The following AP1AR variants were observed in gnomAD, a reference collection of about 807,000 sequenced individuals.
AP1AR encodes the protein AP-1 complex-associated regulatory protein.
Under a neutral mutation model 46.3 loss-of-function variants are expected in AP1AR, and 29 were observed. The ratio of observed to expected loss-of-function variants is 0.63; its 90% CI spans 0.47 to 0.85. The LOEUF (loss-of-function observed/expected upper bound fraction) is 0.85, where lower values mean the gene tolerates loss of function less well. Ranked by LOEUF, AP1AR falls within the 40% of genes least tolerant of loss-of-function variation. The pLI is 0.00. For missense variants in AP1AR, 357 were observed against 356.3 expected, an observed-to-expected ratio of 1.00 and a Z score of -0.02; for synonymous variants, 122 against 122.9, an observed-to-expected ratio of 0.99 and a Z score of 0.05.
rs1241671047 is a variant in AP1AR, at chr4:112,272,414, CAG to C, written c.*4008_*4009del. Among the ~76,000 whole-genome samples, 1 of 152,108 alleles carries C rather than the reference CAG, an allele frequency of 6.6e-6. No individual in the cohort carries two copies. Among genetic ancestry groups the C allele is most frequent in the African/African-American group, 2.4e-5 (1 of 41,434 alleles). ...ACATGCGCAGTAAGGGGCAAAATGA[CAG>C]AGTTTGACAAATATATGACCTTCCC... On this transcript the variant is annotated 3_prime_UTR_variant, in exon 10 of 10. Transcript: ENST00000274000.
chr4:112,261,871 G>C (rs563890207), intron 5 of AP1AR, among the ~76,000 whole-genome samples: 2 of 151,892 alleles, frequency 1.3e-5, no homozygotes, highest in Non-Finnish European at 2.9e-5. Context: ...TAAGGAGGCT[G>C]AGGTGGGAAG....
At chr4:112,251,409 A>G (rs1457381881) in intron 1 of AP1AR, among the ~76,000 whole-genome samples, 1 of 152,252 alleles carries the variant, frequency 6.6e-6, no homozygotes, top group Non-Finnish European at 1.5e-5. Context: ...TCTGCCATCT[A>G]ATACAAATGT....
intron 2 of AP1AR, 45 bp downstream of exon 2, chr4:112,253,301 G>A: frequency 7.0e-7 from 1 of 1,435,328 alleles, no homozygotes; most frequent in Admixed American, 1.8e-5. Context: ...CCTTCAGAAA[G>A]GCGGAAGGGG....
At chr4:112,237,586 C>G (rs1725308999) in intron 1 of AP1AR, among the ~76,000 whole-genome samples, 1 of 152,034 alleles carries the variant, frequency 6.6e-6, no homozygotes, top group Non-Finnish European at 1.5e-5. Flanking sequence ...TCCCAAGTAG[C>G]TGGGACTACA....
chr4:112,258,913 A>G (rs1031980793), intron 4 of AP1AR, among the ~76,000 whole-genome samples: 12 of 152,228 alleles, frequency 7.9e-5, no homozygotes, highest in Non-Finnish European at 1.2e-4. Flanking sequence ...GATAATACCT[A>G]TAAATGGCTA....
intron 1 of AP1AR, among the ~76,000 whole-genome samples, chr4:112,237,995 T>A (rs938670949): frequency 1.3e-5 from 2 of 152,274 alleles, no homozygotes; most frequent in Admixed American, 6.5e-5. Context: ...CTGTCACAAC[T>A]ACTGAACTTG....
intron 1 of AP1AR, among the ~76,000 whole-genome samples, chr4:112,252,573 T>C (rs1258522133): frequency 6.6e-6 from 1 of 152,238 alleles, no homozygotes; most frequent in Non-Finnish European, 1.5e-5. Context: ...TTTGACTACA[T>C]ATAAGTTTAA....
At chr4:112,248,877 G>A (rs893823467) in intron 1 of AP1AR, among the ~76,000 whole-genome samples, 2 of 152,144 alleles carry the variant, frequency 1.3e-5, no homozygotes, top group Non-Finnish European at 2.9e-5. Context: ...GTTTGCTTTT[G>A]CTTTTCCTCT....
chr4:112,240,827 G>A (rs1725462340), intron 1 of AP1AR, among the ~76,000 whole-genome samples: 1 of 152,152 alleles, frequency 6.6e-6, no homozygotes, highest in South Asian at 2.1e-4. Context: ...TATTTCAAAT[G>A]TATAGCTATG....
intron 1 of AP1AR, among the ~76,000 whole-genome samples, chr4:112,237,804 T>TA (rs1725318300): frequency 6.6e-6 from 1 of 152,168 alleles, no homozygotes; most frequent in African/African-American, 2.4e-5. Flanking sequence ...AGCTTTCACT[T>TA]ACCTTTACCT....
chr4:112,232,052 G>GGGA lies in AP1AR; in HGVS notation c.-26_-24dup, dbSNP rs774813966. The GGGA allele has an allele frequency of 5.9e-6, 8 of 1,346,496 alleles. No individual in the cohort carries two copies. Among genetic ancestry groups the GGGA allele is most frequent in the Admixed American group, 3.5e-5 (1 of 28,906 alleles). 83.4% of individuals were successfully genotyped at this position (1,346,496 alleles called of 1,614,324 possible). ...CCGGGCCTGGGTTTGGGCATTGAGC[G>GGGA]GGAGGAGGAGGAGGAGCGGCGGCGC... On this transcript the variant is annotated 5_prime_UTR_variant, in exon 1 of 10. Transcript: ENST00000274000.
intron 5 of AP1AR, among the ~76,000 whole-genome samples, chr4:112,261,897 T>G (rs2110489659): frequency 6.7e-6 from 1 of 148,664 alleles, no homozygotes; most frequent in South Asian, 2.1e-4. Context: ...GAGCCCAGGA[T>G]CCTCAAGACT....
chr4:112,237,105 GTGTTTTCTTTT>G (rs1281829865), intron 1 of AP1AR, among the ~76,000 whole-genome samples: 1 of 152,094 alleles, frequency 6.6e-6, no homozygotes, highest in African/African-American at 2.4e-5. Context: ...CTAAAATACA[GTGTTTTCTTTT>G]TGTTTCCCCA....
chr4:112,268,267 A>G lies in AP1AR; in HGVS notation c.767A>G (p.Asn256Ser), dbSNP rs376015709. ...SNPTSASDDS[N>S]GLEWENDFVS... ...CCTACATCAGCCTCTGATGATTCCA[A>G]TGGGCTGGAGTGGGAAAATGATTTT... Residue 256 changes from asparagine (N) to serine (S), a missense_variant, in exon 10 of 10, where the codon AAT (asparagine) becomes AGT (serine). This residue lies in a region of AP1AR where 88 missense variants were observed against 132.7 expected (regional missense o/e 0.66). Transcript: ENST00000274000. The G allele has an allele frequency of 6.8e-6, 11 of 1,613,140 alleles. No individual in the cohort carries two copies. The highest frequency in any genetic ancestry group is 4.0e-5 in the African/African-American group (3 of 74,876).
At chr4:112,257,623 A>C (rs1419849036) in intron 3 of AP1AR, 149 bp from the exon 4 acceptor site, 3 of 545,264 alleles carry the variant, frequency 5.5e-6, no homozygotes, top group Non-Finnish European at 8.8e-6. Flanking sequence ...TATTTTTAAT[A>C]GTGAAATATA....
intron 1 of AP1AR, among the ~76,000 whole-genome samples, chr4:112,250,471 GT>G (rs1725906352): frequency 6.6e-6 from 1 of 152,174 alleles, no homozygotes; most frequent in Non-Finnish European, 1.5e-5. Flanking sequence ...ATGGCTGGAA[GT>G]TGGCAAAATG....
At position 112,265,076 on chromosome 4, in the gene AP1AR, T is replaced by C. The variant is rs1726619618; in HGVS notation, c.440+9T>C. ...AATGGAGAATATCAAAGGTAAATAG[T>C]GAAACATATGCCTCCTTCCCTTTGT... On this transcript the variant is annotated intron_variant, in intron 7 of 9. Coordinates refer to ENST00000274000, the MANE Select transcript of AP1AR (RefSeq NM_018569.6). 3 of 1,593,426 alleles carry C rather than the reference T, an allele frequency of 1.9e-6. No homozygotes were observed. Among genetic ancestry groups the C allele is most frequent in the Non-Finnish European group, 2.6e-6 (3 of 1,170,758 alleles).
intron 1 of AP1AR, among the ~76,000 whole-genome samples, chr4:112,243,570 G>T (rs1181559433): frequency 6.6e-6 from 1 of 152,168 alleles, no homozygotes; most frequent in Non-Finnish European, 1.5e-5. Flanking sequence ...CTTGGCACTT[G>T]CAGGAGCAGC....
intron 1 of AP1AR, 111 bp from the exon 2 acceptor site, chr4:112,253,097 A>G (rs1726030932): frequency 2.8e-6 from 2 of 711,238 alleles, no homozygotes; most frequent in East Asian, 6.0e-5. Context: ...ATATAACTAT[A>G]TGTTAGAGAT....
Sources: gnomAD v4.1 joint callset for allele counts (sites outside exome capture counted in the v4.1 genomes callset) on GRCh38, gnomAD v4.1.1 for gene constraint, gnomAD v4.1.1 regional missense constraint, MANE v1.5 for transcripts, NCBI Gene and HGNC (gene_info 2026-07-23, HGNC 2026-07-21) for gene names.